The following TMEM30A variants were observed in gnomAD, a reference collection of about 807,000 sequenced individuals.
TMEM30A encodes the protein cell cycle control protein 50A.
TMEM30A carries 24 observed loss-of-function variants against 38.2 expected under a neutral mutation model. The observed-to-expected ratio is 0.63, with a 90% CI of 0.46 to 0.88. The LOEUF (loss-of-function observed/expected upper bound fraction) is 0.88, where lower values mean the gene tolerates loss of function less well. TMEM30A is among the 40% of genes least tolerant of loss of function. TMEM30A has a pLI of 0.00. For missense variants in TMEM30A, 370 were observed against 458.6 expected (o/e 0.81, Z 1.77); for synonymous variants, 145 against 161.6 (o/e 0.90, Z 0.78).
intron 3 of TMEM30A, among the ~76,000 whole-genome samples, chr6:75,261,430 G>A (rs146910143): frequency 3.3e-5 from 5 of 152,332 alleles, no homozygotes; most frequent in Non-Finnish European, 5.9e-5. Context: ...AAGGAGTCTA[G>A]TGCAGATTCC....
chr6:75,256,036 C>T lies in TMEM30A; in HGVS notation c.*66G>A, dbSNP rs976593727. ...GACATACTAACCAGATATCAGCATTCGAAAGCTAGGTTGAATAGGACTGGC... is the reference window on the plus strand; with the variant it reads ...GACATACTAACCAGATATCAGCATTTGAAAGCTAGGTTGAATAGGACTGGC... On this transcript the variant is annotated 3_prime_UTR_variant, in exon 7 of 7. Coordinates refer to ENST00000230461, the MANE Select transcript of TMEM30A (RefSeq NM_018247.4). The T allele has an allele frequency of 2.1e-5, 24 of 1,159,912 alleles. No individual in the cohort carries two copies. The highest frequency in any genetic ancestry group is 2.8e-5 in the Non-Finnish European group (23 of 830,250). 71.9% of individuals were successfully genotyped at this position (1,159,912 alleles called of 1,614,324 possible).
At position 75,267,873 on chromosome 6, in the gene TMEM30A, T is replaced by A. The variant is rs1013046509; in HGVS notation, c.238-125A>T. The A allele has an allele frequency of 9.4e-6, 5 of 532,070 alleles. No individual in the cohort carries two copies. In the Admixed American group the frequency reaches 1.1e-4, roughly 12 times the overall value. 33.0% of individuals were successfully genotyped at this position (532,070 alleles called of 1,614,324 possible). On this transcript the variant is annotated intron_variant, in intron 1 of 6. Transcript: ENST00000230461. ...AATGACCTAGAGCTCAGACAAAAAC[T>A]GTTTTTAAGGTCATCTGTTTGACAG...
intron 1 of TMEM30A, among the ~76,000 whole-genome samples, chr6:75,283,520 T>C (rs1300746286): frequency 6.6e-6 from 1 of 152,160 alleles, no homozygotes. Context: ...ATAAAGATAC[T>C]GTGCTTTCGA....
At chr6:75,258,129 T>C (rs1426701939) in intron 6 of TMEM30A, among the ~76,000 whole-genome samples, 1 of 152,176 alleles carries the variant, frequency 6.6e-6, no homozygotes, top group East Asian at 1.9e-4. Flanking sequence ...TATTATTACC[T>C]GTGTAAAGTC....
In TMEM30A at chr6:75,284,780, T is replaced by C; in HGVS notation, c.-142A>G. 2.5e-6 allele frequency: 2 copies of C among 784,862 alleles called. No individual in the cohort carries two copies. Among genetic ancestry groups the C allele is most frequent in the South Asian group, 2.9e-5 (2 of 67,958 alleles). The allele number at this position is 784,862 out of a possible 1,614,324, so 48.6% of individuals were successfully genotyped here. A position where few individuals can be genotyped will look rare whatever the true frequency, so the allele number is the denominator to read the frequency against. On this transcript the variant is annotated 5_prime_UTR_variant, in exon 1 of 7. Coordinates refer to ENST00000230461, the MANE Select transcript of TMEM30A (RefSeq NM_018247.4). ...GCCACCGCCACAGCCACCTCCGCTG[T>C]AGAGCGGAAGAGGCGGGACACTCTT...
intron 1 of TMEM30A, among the ~76,000 whole-genome samples, chr6:75,274,416 A>G (rs1313058409): frequency 6.6e-6 from 1 of 152,244 alleles, no homozygotes; most frequent in Non-Finnish European, 1.5e-5. Flanking sequence ...AGGAAACATT[A>G]AAACTAGCCT....
chr6:75,270,215 T>C (rs1215861059), intron 1 of TMEM30A, among the ~76,000 whole-genome samples: 1 of 152,212 alleles, frequency 6.6e-6, no homozygotes, highest in Non-Finnish European at 1.5e-5. Flanking sequence ...CATTTGGTGG[T>C]GTCAGTTTTG....
At chr6:75,258,522 T>G (rs1771906975) in intron 6 of TMEM30A, among the ~76,000 whole-genome samples, 1 of 152,176 alleles carries the variant, frequency 6.6e-6, no homozygotes, top group Non-Finnish European at 1.5e-5. Context: ...CCTAGCTTGT[T>G]AATAAAACAA....
At chr6:75,269,263 CG>C (rs1562392925) in intron 1 of TMEM30A, among the ~76,000 whole-genome samples, 1 of 152,114 alleles carries the variant, frequency 6.6e-6, no homozygotes, top group Non-Finnish European at 1.5e-5. Context: ...TGTTATCATA[CG>C]GAATAGTCTC....
rs369577113 is a variant in TMEM30A, at chr6:75,283,661, A to AAAAAC, written c.237+736_237+740dup. Among the ~76,000 whole-genome samples the AAAAAC allele has an allele frequency of 7.9e-5, 12 of 152,156 alleles. No homozygotes were observed. The South Asian group carries it at 2.1e-3, about 26-fold the overall frequency. ...GTCACTGGCTCTTTTTGTAAAAAAA[A>AAAAAC]AAAACAAAACAAAACAAGACAAAAC... On this transcript the variant is annotated intron_variant, in intron 1 of 6. Coordinates refer to ENST00000230461, the MANE Select transcript of TMEM30A (RefSeq NM_018247.4).
rs1458786703 is a variant in TMEM30A, at chr6:75,265,350, G to C, written c.346-12C>G. On this transcript the variant is annotated splice_polypyrimidine_tract_variant and intron_variant, in intron 2 of 6. Transcript: ENST00000230461. ...ATAAACACGTTGCCCTAGAGAAACAGAGAGGGAAAAAATTTTCATATAAAA... is the reference window on the plus strand; with the variant it reads ...ATAAACACGTTGCCCTAGAGAAACACAGAGGGAAAAAATTTTCATATAAAA... 2 of 1,517,068 alleles carry C rather than the reference G, an allele frequency of 1.3e-6. No individual in the cohort carries two copies. The highest frequency in any genetic ancestry group is 1.8e-6 in the Non-Finnish European group (2 of 1,115,440). The allele number at this position is 1,517,068 out of a possible 1,614,324, so 94.0% of individuals were successfully genotyped here. A position where few individuals can be genotyped will look rare whatever the true frequency, so the allele number is the denominator to read the frequency against.
chr6:75,275,008 C>G (rs1346990771), intron 1 of TMEM30A, among the ~76,000 whole-genome samples: 2 of 31,868 alleles, frequency 6.3e-5, no homozygotes, highest in Non-Finnish European at 1.6e-4. Flanking sequence ...GAGACTCTGT[C>G]TCAAAAAAAA....
At chr6:75,276,176 T>C (rs1392624771) in intron 1 of TMEM30A, among the ~76,000 whole-genome samples, 1 of 152,218 alleles carries the variant, frequency 6.6e-6, no homozygotes, top group East Asian at 1.9e-4. Flanking sequence ...CTGAACCCCT[T>C]CTCCAAACAT....
intron 1 of TMEM30A, among the ~76,000 whole-genome samples, chr6:75,268,573 A>T (rs1772106643): frequency 6.6e-6 from 1 of 152,192 alleles, no homozygotes; most frequent in East Asian, 1.9e-4. Flanking sequence ...CTCTAAGTAT[A>T]CAGGGAGAGG....
chr6:75,258,265 T>A (rs1476532361), intron 6 of TMEM30A, among the ~76,000 whole-genome samples: 1 of 152,230 alleles, frequency 6.6e-6, no homozygotes, highest in East Asian at 1.9e-4. Flanking sequence ...TAGAGTGGAA[T>A]AAATGTATTT....
intron 1 of TMEM30A, among the ~76,000 whole-genome samples, chr6:75,283,233 C>A (rs759233644): frequency 6.6e-6 from 1 of 151,904 alleles, no homozygotes; most frequent in South Asian, 2.1e-4. Flanking sequence ...AAACTGGAAC[C>A]CCATCCCTAT....
chr6:75,271,384 A>C (rs1033930500), intron 1 of TMEM30A, among the ~76,000 whole-genome samples: 5 of 152,216 alleles, frequency 3.3e-5, no homozygotes, highest in Non-Finnish European at 2.9e-5. Context: ...CATGAACAAA[A>C]TGAAAGATAG....
At chr6:75,277,132 G>C (rs1357705195) in intron 1 of TMEM30A, among the ~76,000 whole-genome samples, 2 of 152,054 alleles carry the variant, frequency 1.3e-5, no homozygotes, top group Non-Finnish European at 2.9e-5. Context: ...AGGAGTTAAA[G>C]GGAGATGGGA....
At chr6:75,256,699 A>C in intron 6 of TMEM30A, 1 of 441,802 alleles carries the variant, frequency 2.3e-6, no homozygotes. Context: ...AGAAGTCTCC[A>C]TGAGCTCAAA....
Sources: gnomAD v4.1 joint callset for allele counts (sites outside exome capture counted in the v4.1 genomes callset) on GRCh38, gnomAD v4.1.1 for gene constraint, MANE v1.5 for transcripts, NCBI Gene and HGNC (gene_info 2026-07-23, HGNC 2026-07-21) for gene names.